The following SFI1 variants were observed in gnomAD, a reference collection of about 807,000 sequenced individuals.
SFI1 encodes protein SFI1 homolog.
Under a neutral mutation model 207.5 loss-of-function variants are expected in SFI1, and 195 were observed. The observed-to-expected ratio is 0.94, with a 90% CI of 0.84 to 1.06. The LOEUF (loss-of-function observed/expected upper bound fraction) is 1.06. SFI1 is among the 50% of genes least tolerant of loss of function. SFI1 has a pLI of 0.00. For synonymous variants in SFI1, 630 were observed against 598.9 expected (o/e 1.05, Z -0.76); for missense variants, 1,634 against 1,588.0 (o/e 1.03, Z -0.49).
chr22:31,528,169 C>A (rs928434462), intron 2 of SFI1, among the ~76,000 whole-genome samples: 4 of 151,516 alleles, frequency 2.6e-5, no homozygotes, highest in African/African-American at 9.7e-5. Flanking sequence ...CCTGTAGTGT[C>A]AGCTACTCAG....
chr22:31,536,128 A>T (rs2058974657), intron 4 of SFI1, among the ~76,000 whole-genome samples: 1 of 151,890 alleles, frequency 6.6e-6, no homozygotes, highest in Non-Finnish European at 1.5e-5. Context: ...TTTCTCCTCC[A>T]TATGAAGCCC....
rs1372118116 is a variant in SFI1, at chr22:31,577,047, C to G, written c.1085-1335C>G. 2.0e-5 allele frequency among the ~76,000 whole-genome samples: 3 copies of G among 152,140 alleles called. No individual in the cohort carries two copies. In the South Asian group the frequency reaches 6.2e-4, roughly 31 times the overall value. On this transcript the variant is annotated intron_variant, in intron 10 of 32. Transcript: ENST00000400288. ...ATTTTATTTGTTCATCAAAGTCTTG[C>G]TTTGTATAAACTCCTGCTTAAATTC...
intron 4 of SFI1, among the ~76,000 whole-genome samples, chr22:31,539,000 C>T (rs1185951305): frequency 6.6e-6 from 1 of 152,224 alleles, no homozygotes; most frequent in Non-Finnish European, 1.5e-5. Context: ...CATCCTCCCC[C>T]TCTCAGTGAG....
chr22:31,594,016 G>GCATAGGC (rs1233744961), intron 15 of SFI1, among the ~76,000 whole-genome samples: 1 of 147,444 alleles, frequency 6.8e-6, no homozygotes. Flanking sequence ...CAGGGAGAGG[G>GCATAGGC]AGAGGGAGAG....
At chr22:31,561,703 T>C (rs2061721032) in intron 8 of SFI1, among the ~76,000 whole-genome samples, 1 of 152,228 alleles carries the variant, frequency 6.6e-6, no homozygotes, top group South Asian at 2.1e-4. Context: ...CGTTGCTGTT[T>C]TCCTACAGCA....
At position 31,615,173 on chromosome 22, in the gene SFI1, C is replaced by CA. The variant is rs1257252543; in HGVS notation, c.3196dup (p.Ser1066LysfsTer44). 6.2e-7 allele frequency: 1 copy of CA among 1,604,318 alleles called. No individual in the cohort carries two copies. Among genetic ancestry groups the CA allele is most frequent in the Non-Finnish European group, 8.5e-7 (1 of 1,176,592 alleles). On this transcript the variant is annotated frameshift_variant, in exon 29 of 33. Transcript: ENST00000400288. LOFTEE classifies it high-confidence loss of function. ...CACAGCCCCCTGCCTGGGGCCCTGT[C>CA]AAGCGCCCCTGGCCCGAAGCAGCCC...
chr22:31,580,194 T>G (rs907670419), intron 11 of SFI1, 78 bp from the exon 12 acceptor site: 1 of 1,107,798 alleles, frequency 9.0e-7, no homozygotes, highest in East Asian at 2.5e-5. Context: ...TGAGGCACTG[T>G]TTGCCTTCCT....
At chr22:31,536,939 A>G (rs1602315349) in intron 4 of SFI1, among the ~76,000 whole-genome samples, 2 of 151,486 alleles carry the variant, frequency 1.3e-5, no homozygotes, top group East Asian at 3.9e-4. Context: ...CTTTAGAGAC[A>G]GGGTCTCACT....
At chr22:31,513,105 C>G (rs1337305591) in intron 2 of SFI1, among the ~76,000 whole-genome samples, 1 of 152,136 alleles carries the variant, frequency 6.6e-6, no homozygotes, top group African/African-American at 2.4e-5. Flanking sequence ...TTTTTTAATA[C>G]AATGTAAAAT....
Position 31,615,176 on chromosome 22 carries a change from G to T in SFI1, c.3197G>T (p.Ser1066Ile). ...AGCCCCCTGCCTGGGGCCCTGTCAA[G>T]CGCCCCTGGCCCGAAGCAGCCCCCG... ...PHSPLPGALS[S>I]APGPKQPPTA... The change falls in exon 29 of 33, where the codon AGC (serine) becomes ATC (isoleucine). Residue 1066 changes from serine (S) to isoleucine (I), a missense_variant. Physicochemically the swap from Ser to Ile is moderately radical, Grantham distance 142 (BLOSUM62 -2). Transcript: ENST00000400288. 1.9e-6 allele frequency: 3 copies of T among 1,603,426 alleles called. 1 individual carries two copies. In the South Asian group the frequency reaches 3.3e-5, roughly 18 times the overall value.
intron 2 of SFI1, among the ~76,000 whole-genome samples, chr22:31,517,563 C>G (rs2056700534): frequency 6.6e-6 from 1 of 152,066 alleles, no homozygotes; most frequent in Non-Finnish European, 1.5e-5. Context: ...TATTCTGTAT[C>G]ATCTTTAAGA....
intron 2 of SFI1, among the ~76,000 whole-genome samples, chr22:31,525,593 T>G (rs1228705240): frequency 2.6e-5 from 4 of 152,116 alleles, no homozygotes; most frequent in Non-Finnish European, 5.9e-5. Flanking sequence ...AGCATGTACT[T>G]GTAGTTGCAG....
intron 1 of SFI1, among the ~76,000 whole-genome samples, chr22:31,498,196 G>C (rs563690466): frequency 1.3e-5 from 2 of 152,318 alleles, no homozygotes; most frequent in South Asian, 4.1e-4. Context: ...TGGGGAGGCT[G>C]AGGCAGGAGA....
chr22:31,557,061 TGA>T lies in SFI1; in HGVS notation c.662+4_662+5del. 1 of 1,583,584 alleles carries T rather than the reference TGA, an allele frequency of 6.3e-7. No homozygotes were observed. The highest frequency in any genetic ancestry group is 2.3e-5 in the East Asian group (1 of 44,168). The stretch of plus-strand genomic sequence containing the variant: ...GTTTAGGCAACGGATTATCTTACGG[TGA>T]GTCTGCTCAACTGCCCTACAAAGTA... On this transcript the variant is annotated splice_donor_region_variant and intron_variant, in intron 7 of 32. Transcript: ENST00000400288.
intron 27 of SFI1, 163 bp from the exon 28 acceptor site, chr22:31,614,626 C>T: frequency 1.3e-6 from 1 of 763,920 alleles, no homozygotes; most frequent in South Asian, 1.5e-5. Context: ...GTCGGAACTG[C>T]TGGGAGCTCT....
intron 9 of SFI1, among the ~76,000 whole-genome samples, 155 bp downstream of exon 9, chr22:31,573,369 C>T (rs1312159414): frequency 6.6e-6 from 1 of 151,760 alleles, no homozygotes; most frequent in African/African-American, 2.4e-5. Context: ...ATCCTTGAGT[C>T]ACATTTATTT....
At position 31,499,461 on chromosome 22, in the gene SFI1, C is replaced by T. The variant is rs568241147; in HGVS notation, c.-31+2824C>T. Among the ~76,000 whole-genome samples, 288 of 152,146 alleles carry T rather than the reference C, an allele frequency of 1.9e-3. 3 individuals carry two copies. The highest frequency in any genetic ancestry group is 6.5e-3 in the African/African-American group (271 of 41,476). Reference sequence around the variant, plus strand: ...TGCTGGGATTACAGGTGTGAATCACCGTGCCTGGTGAAAGTGGTTTCTTGA... The same window carrying T: ...TGCTGGGATTACAGGTGTGAATCACTGTGCCTGGTGAAAGTGGTTTCTTGA... On this transcript the variant is annotated intron_variant, in intron 1 of 32. Transcript: ENST00000400288.
At chr22:31,546,835 T>A (rs200722396) in intron 4 of SFI1, 26 bp from the exon 5 acceptor site, 2 of 1,425,752 alleles carry the variant, frequency 1.4e-6, no homozygotes, top group Non-Finnish European at 2.0e-6. Flanking sequence ...TCATCATATA[T>A]ATATATGATT....
intron 2 of SFI1, among the ~76,000 whole-genome samples, chr22:31,517,019 A>G (rs1423196673): frequency 6.6e-6 from 1 of 151,878 alleles, no homozygotes; most frequent in Non-Finnish European, 1.5e-5. Flanking sequence ...CTATAATCCC[A>G]GCTACTTGGG....
Sources: gnomAD v4.1 joint callset for allele counts (sites outside exome capture counted in the v4.1 genomes callset) on GRCh38, gnomAD v4.1.1 for gene constraint, MANE v1.5 for transcripts, NCBI Gene and HGNC (gene_info 2026-07-23, HGNC 2026-07-21) for gene names.